The following TEX11 variants were observed in gnomAD, a reference collection of about 807,000 sequenced individuals.
TEX11 encodes testis-expressed protein 11.
TEX11 carries 7 observed loss-of-function variants against 84.4 expected under a neutral mutation model. The observed-to-expected ratio is 0.08, with a 90% CI of 0.05 to 0.16. The LOEUF (loss-of-function observed/expected upper bound fraction) is 0.16. TEX11 is among the 10% of genes least tolerant of loss of function. The pLI is 1.00. For missense variants in TEX11, 551 were observed against 660.5 expected (o/e 0.83, Z 1.82); for synonymous variants, 264 against 222.8 (o/e 1.18, Z -1.64).
chrX:70,751,759 C>T (rs892954678), intron 9 of TEX11, among the ~76,000 whole-genome samples: 5 of 111,537 alleles, frequency 4.5e-5, no homozygotes, highest in Admixed American at 3.8e-4. Context: ...TCTTGTTAGC[C>T]AATCTGTCTT....
chrX:70,847,014 C>T (rs963416030), intron 7 of TEX11, among the ~76,000 whole-genome samples: 3 of 111,843 alleles, frequency 2.7e-5, no homozygotes, highest in African/African-American at 3.2e-5. Flanking sequence ...TCAGATCTCT[C>T]ATGAATGACT....
At chrX:70,694,704 A>T (rs2090265556) in intron 13 of TEX11, among the ~76,000 whole-genome samples, 1 of 112,281 alleles carries the variant, frequency 8.9e-6, no homozygotes, top group South Asian at 3.7e-4. Flanking sequence ...CTGTAACAGA[A>T]TACCTAAGAC....
intron 4 of TEX11, among the ~76,000 whole-genome samples, chrX:70,866,446 C>T (rs2091599684): frequency 9.1e-6 from 1 of 109,818 alleles, no homozygotes; most frequent in African/African-American, 3.3e-5. Context: ...GACAGATTCA[C>T]AGCTGAATCC....
intron 3 of TEX11, among the ~76,000 whole-genome samples, chrX:70,876,807 AG>A (rs1294309379): frequency 2.7e-5 from 3 of 111,075 alleles, no homozygotes; most frequent in African/African-American, 9.8e-5. Context: ...CTGCAGTCCC[AG>A]CTACTCGGAG....
At chrX:70,824,804 T>C (rs768861791) in intron 8 of TEX11, among the ~76,000 whole-genome samples, 1 of 111,954 alleles carries the variant, frequency 8.9e-6, no homozygotes, top group Non-Finnish European at 1.9e-5. Flanking sequence ...AGCTAACAGA[T>C]AAACCTCTGC....
chrX:70,518,936 C>T, the TEX11 span, among the ~76,000 whole-genome samples: 71 of 111,444 alleles, frequency 6.4e-4, 2 homozygotes, highest in Admixed American at 6.0e-3. Flanking sequence ...GATTATAACC[C>T]CTGCTCTTTT....
intron 2 of TEX11, among the ~76,000 whole-genome samples, chrX:70,882,312 CGTTT>C (rs993252247): frequency 1.8e-5 from 2 of 110,542 alleles, no homozygotes; most frequent in African/African-American, 6.6e-5. Flanking sequence ...TATAAACTTT[CGTTT>C]GTTTGTTTTG....
chrX:70,670,650 T>C, intron 15 of TEX11, 136 bp from the exon 16 acceptor site: 1 of 663,607 alleles, frequency 1.5e-6, no homozygotes, highest in Non-Finnish European at 2.1e-6. Context: ...TTATATAGGG[T>C]TCTAAGTGCA....
chrX:70,617,344 TTA>T (rs397784762), intron 20 of TEX11, among the ~76,000 whole-genome samples: 2 of 103,403 alleles, frequency 1.9e-5, no homozygotes, highest in African/African-American at 6.8e-5. Context: ...AGTGAAGGTT[TTA>T]TATATATATA....
intron 9 of TEX11, among the ~76,000 whole-genome samples, chrX:70,754,647 G>T (rs928223973): frequency 9.0e-6 from 1 of 111,126 alleles, no homozygotes; most frequent in Admixed American, 9.6e-5. Context: ...CCTTGGGTGA[G>T]ACCCAGTGCT....
At chrX:70,760,813 T>C (rs1208678858) in intron 9 of TEX11, among the ~76,000 whole-genome samples, 1 of 111,053 alleles carries the variant, frequency 9.0e-6, no homozygotes, top group Non-Finnish European at 1.9e-5. Context: ...ATCATCAGAG[T>C]GAACAGGCAG....
At position 70,678,883 on chromosome X, in the gene TEX11, T is replaced by C. The variant is rs150528179; in HGVS notation, c.1163A>G (p.Gln388Arg). 8.8e-7 allele frequency: 1 copy of C among 1,130,548 alleles called. No individual in the cohort carries two copies. The highest frequency in any genetic ancestry group is 3.2e-5 in the East Asian group (1 of 31,607). The allele number at this position is 1,130,548 out of a possible 1,213,427, so 93.2% of individuals were successfully genotyped here. A position where few individuals can be genotyped will look rare whatever the true frequency, so the allele number is the denominator to read the frequency against. The change falls in exon 15 of 30, where the codon CAA becomes CGA. Residue 388 changes from glutamine to arginine, a missense_variant. By Grantham distance (43) the Gln-to-Arg change is conservative. Coordinates refer to ENST00000374333, the MANE Select transcript of TEX11 (RefSeq NM_031276.3). ...TTCTGCTGTCAGTTGTCTTCCTGTTTGGTGAGCTGAAAAAAAAAAAAAGCT... is the reference window on the plus strand; with the variant it reads ...TTCTGCTGTCAGTTGTCTTCCTGTTCGGTGAGCTGAAAAAAAAAAAAAGCT... Reference protein sequence around the residue: ...EKIEEIFLAHQTGRQLTAESM... With the variant: ...EKIEEIFLAHRTGRQLTAESM...
chrX:70,552,227 C>T lies in TEX11; in HGVS notation c.2419G>A (p.Val807Ile), dbSNP rs761355754. Residue 807 changes from valine (V) to isoleucine (I), a missense_variant, in exon 28 of 30, where the codon GTT becomes ATT. Physicochemically the swap from Val to Ile is conservative, Grantham distance 29. Coordinates refer to ENST00000374333, the MANE Select transcript of TEX11 (RefSeq NM_031276.3). ...SQYSKCMHNL[V>I]NLSVPDGASN... ...GCCCCATCTGGCACTGAGAGGTTAA[C>T]CAAGTTGTGCATACATTTGCTGAAA... is the stretch of plus-strand genomic sequence containing the variant. 1 of 1,208,344 alleles carries T rather than the reference C, an allele frequency of 8.3e-7. No homozygotes were observed. The highest frequency in any genetic ancestry group is 1.1e-6 in the Non-Finnish European group (1 of 894,370).
intron 17 of TEX11, among the ~76,000 whole-genome samples, chrX:70,650,683 G>A (rs774436364): frequency 5.9e-4 from 66 of 111,418 alleles, no homozygotes; most frequent in Admixed American, 1.2e-3. Flanking sequence ...TCCTTTGTAC[G>A]TAGTAGGTGT....
At position 70,552,207 on chromosome X, in the gene TEX11, A is replaced by G. The variant is rs369284590; in HGVS notation, c.2439T>C (p.Asp813=). Residue 813 remains aspartate, a synonymous_variant, in exon 28 of 30, where the codon GAT becomes GAC. Coordinates refer to ENST00000374333, the MANE Select transcript of TEX11 (RefSeq NM_031276.3). The part of the protein sequence containing the change: ...MHNLVNLSVP[D]GASNVELCPL... ...GACAGAGCTCTACATTCGACGCCCC[A>G]TCTGGCACTGAGAGGTTAACCAAGT... 1.7e-6 allele frequency: 2 copies of G among 1,210,884 alleles called. No homozygotes were observed. The highest frequency in any genetic ancestry group is 2.2e-6 in the Non-Finnish European group (2 of 895,107).
chrX:70,735,548 T>C lies in TEX11; in HGVS notation c.843+5153A>G, dbSNP rs890078856. Among the ~76,000 whole-genome samples, 3 of 111,924 alleles carry C rather than the reference T, an allele frequency of 2.7e-5. No individual in the cohort carries two copies. In the Admixed American group the frequency reaches 2.9e-4, roughly 11 times the overall value. On this transcript the variant is annotated intron_variant, in intron 11 of 29. Transcript: ENST00000374333. ...TATAAAAGCATAAAGAAGCAATAAA[T>C]TTAACAAAAGAAGGACAAAACTTAT...
chrX:70,869,036 GTAAAATAAAATAAAATAAAA>G (rs67299887), intron 4 of TEX11, among the ~76,000 whole-genome samples: 17,734 of 53,568 alleles, frequency 0.33, 2,962 homozygotes, highest in East Asian at 0.41. Flanking sequence ...AGAACTTAAA[GTAAAATAAAATAAAATAAAA>G]TAAAATAAAA....
intron 9 of TEX11, among the ~76,000 whole-genome samples, chrX:70,766,443 T>C (rs2090941172): frequency 9.2e-6 from 1 of 108,163 alleles, no homozygotes; most frequent in African/African-American, 3.4e-5. Context: ...AGAAGCTCCA[T>C]CTCAGAAAAA....
At chrX:70,840,395 G>A (rs56034825) in intron 7 of TEX11, among the ~76,000 whole-genome samples, 13,983 of 110,837 alleles carry the variant, frequency 0.13, 770 homozygotes, top group Middle Eastern at 0.26. Flanking sequence ...CATAAGTGAA[G>A]GAGAAATAAA....
Sources: allele counts gnomAD v4.1 joint callset (sites outside exome capture counted in the v4.1 genomes callset), GRCh38; gene constraint gnomAD v4.1.1; transcripts MANE v1.5; gene names NCBI Gene and HGNC (gene_info 2026-07-23, HGNC 2026-07-21).